HCK: variants seen among roughly 807,000 people sequenced by gnomAD.
The protein encoded by HCK is HCK proto-oncogene, Src family tyrosine kinase.
A neutral mutation model predicts 70.4 loss-of-function variants in HCK; 40 were observed. The ratio of observed to expected loss-of-function variants is 0.57; its 90% CI spans 0.44 to 0.74. The LOEUF (loss-of-function observed/expected upper bound fraction) is 0.74. Ranked by LOEUF, HCK falls within the 30% of genes least tolerant of loss-of-function variation. The probability of loss-of-function intolerance (pLI) is 0.00; values close to 1 mark genes in which losing one functional copy is unlikely to be tolerated. For missense variants in HCK, 568 were observed against 697.2 expected, an observed-to-expected ratio of 0.81 and a Z score of 2.09; for synonymous variants, 245 against 263.2, an observed-to-expected ratio of 0.93 and a Z score of 0.67.
At chr20:32,075,118 T>C (rs1328483281) in intron 5 of HCK, among the ~76,000 whole-genome samples, 1 of 152,184 alleles carries the variant, frequency 6.6e-6, no homozygotes, top group Non-Finnish European at 1.5e-5. Flanking sequence ...TATTGTTGAA[T>C]GAAGCACACG....
At chr20:32,078,489 A>T (rs1259408743) in intron 5 of HCK, among the ~76,000 whole-genome samples, 3 of 152,018 alleles carry the variant, frequency 2.0e-5, no homozygotes, top group African/African-American at 7.3e-5. Flanking sequence ...CTAGCTTCAA[A>T]TCCTGCCTCT....
chr20:32,091,242 C>G (rs2045859600), intron 10 of HCK, among the ~76,000 whole-genome samples: 1 of 152,214 alleles, frequency 6.6e-6, no homozygotes, highest in South Asian at 2.1e-4. Flanking sequence ...GTGGTAACTA[C>G]CAGCATTAGT....
chr20:32,060,314 G>C (rs564312893), intron 1 of HCK, among the ~76,000 whole-genome samples: 363 of 152,292 alleles, frequency 2.4e-3, no homozygotes, highest in African/African-American at 8.3e-3. Context: ...TCTGCCTCTT[G>C]AGTTCAAGCA....
chr20:32,071,176 G>A (rs1488104630), intron 1 of HCK, among the ~76,000 whole-genome samples: 3 of 152,168 alleles, frequency 2.0e-5, no homozygotes, highest in African/African-American at 7.2e-5. Context: ...ACTGCACTGA[G>A]TATTTCCCCA....
intron 10 of HCK, among the ~76,000 whole-genome samples, chr20:32,091,511 C>T (rs1485336105): frequency 6.6e-6 from 1 of 152,148 alleles, no homozygotes; most frequent in Non-Finnish European, 1.5e-5. Flanking sequence ...AGCTATGATG[C>T]CTTCCATTAG....
At chr20:32,091,896 G>A (rs1238136622) in intron 10 of HCK, among the ~76,000 whole-genome samples, 1 of 151,612 alleles carries the variant, frequency 6.6e-6, no homozygotes, top group Non-Finnish European at 1.5e-5. Context: ...GAGGTGGGAA[G>A]ACTGCTTGAG....
At chr20:32,082,296 C>T (rs866450610) in intron 6 of HCK, among the ~76,000 whole-genome samples, 11 of 152,006 alleles carry the variant, frequency 7.2e-5, no homozygotes, top group African/African-American at 2.4e-4. Flanking sequence ...TGTTCATCTA[C>T]GCAGAGTGCT....
intron 8 of HCK, among the ~76,000 whole-genome samples, chr20:32,086,051 G>A (rs550586198): frequency 7.2e-5 from 11 of 152,124 alleles, no homozygotes; most frequent in Admixed American, 2.0e-4. Context: ...ACAGAGTCTC[G>A]CTCTGTCACC....
rs376481023 is a variant in HCK, at chr20:32,070,979, A to AAGGG, written c.63-665_63-662dup. 9.6e-3 allele frequency among the ~76,000 whole-genome samples: 973 copies of AAGGG among 101,726 alleles called. 21 individuals carry two copies. Among genetic ancestry groups the AAGGG allele is most frequent in the African/African-American group, 0.036 (895 of 24,822 alleles). 66.7% of individuals were successfully genotyped at this position (101,726 alleles called of 152,430 possible). A position where few individuals can be genotyped will look rare whatever the true frequency, so the allele number is the denominator to read the frequency against. ...AGGAAGAGGAGGGGGAGCAGGAAGG[A>AAGGG]AGGGAGGGAGGGAGGGAGGGAAGGA... On this transcript the variant is annotated intron_variant, in intron 1 of 12. Transcript: ENST00000375852.
At chr20:32,089,282 G>A (rs1291202844) in intron 10 of HCK, among the ~76,000 whole-genome samples, 1 of 152,088 alleles carries the variant, frequency 6.6e-6, no homozygotes, top group Non-Finnish European at 1.5e-5. Context: ...CCCCCTCAAT[G>A]TAACAGTCTG....
At position 32,071,688 on chromosome 20, in the gene HCK, T is replaced by C; in HGVS notation, c.89T>C (p.Leu30Pro). The change falls in exon 2 of 13, where the codon CTC becomes CCC. Residue 30 changes from leucine to proline, a missense_variant. Transcript: ENST00000375852. ...ATGGGGTGCATGAAGTCCAAGTTCC[T>C]CCAGGTCGGAGGCAATACATTCTCA... is the stretch of plus-strand genomic sequence containing the variant. The C allele has an allele frequency of 6.2e-7, 1 of 1,614,124 alleles. No homozygotes were observed. Among genetic ancestry groups the C allele is most frequent in the Non-Finnish European group, 8.5e-7 (1 of 1,179,996 alleles).
intron 10 of HCK, among the ~76,000 whole-genome samples, chr20:32,092,107 C>T (rs1281268818): frequency 6.6e-6 from 1 of 152,138 alleles, no homozygotes; most frequent in East Asian, 1.9e-4. Context: ...CTTGAGAAGC[C>T]GGCCGGTGGT....
At chr20:32,058,523 ACT>A (rs1197434992) in intron 1 of HCK, among the ~76,000 whole-genome samples, 2 of 98,998 alleles carry the variant, frequency 2.0e-5, no homozygotes, top group Admixed American at 1.3e-4. Context: ...CAACAGCAAG[ACT>A]CTGTCAAAAA....
At chr20:32,093,490 C>CGTGTGTGT (rs3073297) in intron 10 of HCK, among the ~76,000 whole-genome samples, 3,196 of 146,366 alleles carry the variant, frequency 0.022, 39 homozygotes, top group African/African-American at 0.034. Context: ...TCCTAGGGTT[C>CGTGTGTGT]GTGTGTGTGT....
At position 32,093,920 on chromosome 20, in the gene HCK, G is replaced by A; in HGVS notation, c.1150G>A (p.Ala384Thr). 1 of 1,614,096 alleles carries A rather than the reference G, an allele frequency of 6.2e-7. No individual in the cohort carries two copies. Among genetic ancestry groups the A allele is most frequent in the Non-Finnish European group, 8.5e-7 (1 of 1,180,008 alleles). ...GAACTACATCCACCGAGACCTCCGA[G>A]CTGCCAACATCTTGGTCTCTGCATC... The change falls in exon 11 of 13, where the codon GCT (alanine) becomes ACT (threonine). Residue 384 changes from alanine (A) to threonine (T), a missense_variant. Physicochemically the swap from Ala to Thr is moderately conservative, Grantham distance 58. This residue lies in a region of HCK where 160 missense variants were observed against 237.5 expected (regional missense o/e 0.67). Transcript: ENST00000375852.
At chr20:32,090,077 A>G (rs1418692877) in intron 10 of HCK, among the ~76,000 whole-genome samples, 2 of 152,214 alleles carry the variant, frequency 1.3e-5, no homozygotes, top group Non-Finnish European at 2.9e-5. Flanking sequence ...AAAAGACTCT[A>G]CTTTCAGAGC....
intron 10 of HCK, among the ~76,000 whole-genome samples, chr20:32,091,712 A>AT (rs1477940957): frequency 6.6e-6 from 1 of 151,976 alleles, no homozygotes; most frequent in Admixed American, 6.6e-5. Context: ...TCCCTTGGGC[A>AT]TGACAGCTCA....
rs1265557140 is a variant in HCK at position 32,052,441 on chromosome 20, G to C, written c.17G>C (p.Ser6Thr). ...GCTGCCGAGCTGGGGGGGCGCTCAAGCTGCGAGGATCCGGGCTGCCCGCGA... is the reference window on the plus strand; with the variant it reads ...GCTGCCGAGCTGGGGGGGCGCTCAACCTGCGAGGATCCGGGCTGCCCGCGA... The change falls in exon 1 of 13, where the codon AGC becomes ACC. Residue 6 changes from serine to threonine, a missense_variant. Physicochemically the swap from Ser to Thr is moderately conservative, Grantham distance 58. Coordinates refer to ENST00000375852, the MANE Select transcript of HCK (RefSeq NM_002110.5). The C allele has an allele frequency of 7.8e-7, 1 of 1,280,496 alleles. No individual in the cohort carries two copies. The highest frequency in any genetic ancestry group is 1.0e-6 in the Non-Finnish European group (1 of 1,004,668). 79.3% of individuals were successfully genotyped at this position (1,280,496 alleles called of 1,614,324 possible).
At chr20:32,084,244 A>C (rs1284504211) in intron 7 of HCK, 147 bp from the exon 8 acceptor site, 3 of 1,056,338 alleles carry the variant, frequency 2.8e-6, no homozygotes, top group Non-Finnish European at 4.0e-6. Context: ...ACCCCGTCAC[A>C]CTCTGCTTGC....
Sources: allele counts gnomAD v4.1 joint callset (sites outside exome capture counted in the v4.1 genomes callset), GRCh38; gene constraint gnomAD v4.1.1; regional missense constraint gnomAD v4.1.1; transcripts MANE v1.5; gene names NCBI Gene and HGNC (gene_info 2026-07-23, HGNC 2026-07-21).